DGKQ: variants seen among roughly 807,000 people sequenced by gnomAD.
The protein encoded by DGKQ is DAG kinase theta.
A neutral mutation model predicts 104.2 loss-of-function variants in DGKQ; 97 were observed. That is an observed-to-expected ratio of 0.93 (90% CI 0.79 to 1.10). DGKQ has a LOEUF of 1.10. Ranked by LOEUF, DGKQ falls within the 50% of genes least tolerant of loss-of-function variation. The pLI is 0.00. For missense variants in DGKQ, 1,465 were observed against 1,352.1 expected (o/e 1.08, Z -1.31); for synonymous variants, 736 against 595.2 (o/e 1.24, Z -3.44).
chr4:971,199 C>G lies in DGKQ; in HGVS notation c.272-127G>C, dbSNP rs1712905053. 1.5e-6 allele frequency: 1 copy of G among 663,298 alleles called. No individual in the cohort carries two copies. Among genetic ancestry groups the G allele is most frequent in the African/African-American group, 1.8e-5 (1 of 55,978 alleles). 41.1% of individuals were successfully genotyped at this position (663,298 alleles called of 1,614,324 possible). On this transcript the variant is annotated intron_variant, in intron 1 of 22. Transcript: ENST00000273814. The surrounding 1 kb of genome is among the most constrained non-coding windows in gnomAD (Gnocchi z 4.0). ...GCTGCACCAGGGGCCCTGTGGTCCT[C>G]GAGTTCCCCCACCACCCTGCCCACT...
At chr4:965,319 G>A (rs775893401) in intron 14 of DGKQ, 28 bp from the exon 15 acceptor site, 1 of 1,604,172 alleles carries the variant, frequency 6.2e-7, no homozygotes, top group African/African-American at 1.3e-5. Context: ...GACTCAGGGG[G>A]AGCCTGTCCC....
chr4:972,940 G>C (rs1471696672), intron 1 of DGKQ, among the ~76,000 whole-genome samples: 1 of 152,228 alleles, frequency 6.6e-6, no homozygotes, highest in Non-Finnish European at 1.5e-5. Context: ...CCCCAGCTGA[G>C]GTCCCGCTCG....
chr4:970,063 G>A (rs1456432023), intron 2 of DGKQ, among the ~76,000 whole-genome samples: 2 of 152,270 alleles, frequency 1.3e-5, no homozygotes, highest in Non-Finnish European at 2.9e-5. Context: ...CCAAGCCAGT[G>A]TGGAATCACC....
In DGKQ at chr4:960,420, G is replaced by A; in HGVS notation, c.*200C>T. 1.7e-6 allele frequency: 1 copy of A among 598,098 alleles called. No homozygotes were observed. Among genetic ancestry groups the A allele is most frequent in the South Asian group, 2.0e-5 (1 of 51,202 alleles). The allele number at this position is 598,098 out of a possible 1,614,324, so 37.0% of individuals were successfully genotyped here. A position where few individuals can be genotyped will look rare whatever the true frequency, so the allele number is the denominator to read the frequency against. ...GCACACCAGTCTCCAGTGGGATGAG[G>A]GCTGTGACACCAACATGTGTCACCA... is the stretch of plus-strand genomic sequence containing the variant. On this transcript the variant is annotated 3_prime_UTR_variant, in exon 23 of 23. Coordinates refer to ENST00000273814, the MANE Select transcript of DGKQ (RefSeq NM_001347.4).
rs759739318 is a variant in DGKQ, at chr4:963,000, G to A, written c.1887-80C>T. On this transcript the variant is annotated intron_variant, in intron 16 of 22. Transcript: ENST00000273814. Reference sequence around the variant, plus strand: ...CCCAGGCTGCCTCTTCCAAGTGCCCGTCCTGGCCGTGTGGAGGACTTCAAG... The same window carrying A: ...CCCAGGCTGCCTCTTCCAAGTGCCCATCCTGGCCGTGTGGAGGACTTCAAG... 261 of 1,525,616 alleles carry A rather than the reference G, an allele frequency of 1.7e-4. 1 individual carries two copies. The highest frequency in any genetic ancestry group is 1.9e-4 in the Non-Finnish European group (220 of 1,132,438). The allele number at this position is 1,525,616 out of a possible 1,614,324, so 94.5% of individuals were successfully genotyped here.
rs1287324970 is a variant in DGKQ at position 965,468 on chromosome 4, C to T, written c.1618+23G>A. 2.5e-6 allele frequency: 4 copies of T among 1,608,498 alleles called. No individual in the cohort carries two copies. The Admixed American group carries it at 6.7e-5, about 27-fold the overall frequency. The stretch of plus-strand genomic sequence containing the variant: ...AGGAACACCCCTGGGCCTCATGTGA[C>T]CACGTCCCTCAGGGCAGCTCACCTT... On this transcript the variant is annotated intron_variant, in intron 14 of 22. Coordinates refer to ENST00000273814, the MANE Select transcript of DGKQ (RefSeq NM_001347.4).
rs368550766 is a variant in DGKQ at position 965,250 on chromosome 4, G to T, written c.1660C>A (p.Arg554=). Residue 554 remains arginine (R), a synonymous_variant, in exon 15 of 23, where the codon CGG becomes AGG. Transcript: ENST00000273814. ...LDVACFAEAE[R]LYMLLKDMAV... is the part of the protein sequence containing the mutation. ...ATGTCCTTCAGCAGCATGTACAGCCGCTCGGCCTCCGCAAAGCAGGCAACG... is the reference window on the plus strand; with the variant it reads ...ATGTCCTTCAGCAGCATGTACAGCCTCTCGGCCTCCGCAAAGCAGGCAACG... 33 of 1,612,524 alleles carry T rather than the reference G, an allele frequency of 2.0e-5. No individual in the cohort carries two copies. The highest frequency in any genetic ancestry group is 2.7e-5 in the African/African-American group (2 of 74,900).
rs1202341216 is a variant in DGKQ, at chr4:968,853, C to T, written c.409G>A (p.Val137Ile). The change falls in exon 3 of 23, where the codon GTC (valine) becomes ATC (isoleucine). Residue 137 changes from valine to isoleucine, a missense_variant. Transcript: ENST00000273814. ...GGTGCCTCCAGGACCTTGCGGCAGA[C>T]AGCACAGAACTTGCGCTTGTGGAGC... ...RGLHKRKFCA[V>I]CRKVLEAPAL... The T allele has an allele frequency of 1.2e-6, 2 of 1,609,714 alleles. No homozygotes were observed. Among genetic ancestry groups the T allele is most frequent in the African/African-American group, 1.3e-5 (1 of 74,980 alleles).
Position 968,025 on chromosome 4 carries a change from C to G in DGKQ, c.666G>C (p.Ala222=). 1 of 1,423,574 alleles carries G rather than the reference C, an allele frequency of 7.0e-7. No homozygotes were observed. The highest frequency in any genetic ancestry group is 9.1e-7 in the Non-Finnish European group (1 of 1,097,348). The allele number at this position is 1,423,574 out of a possible 1,614,324, so 88.2% of individuals were successfully genotyped here. A position where few individuals can be genotyped will look rare whatever the true frequency, so the allele number is the denominator to read the frequency against. Residue 222 remains alanine, a splice_region_variant and synonymous_variant, in exon 6 of 23, where the codon GCG becomes GCC. Coordinates refer to ENST00000273814, the MANE Select transcript of DGKQ (RefSeq NM_001347.4). ...CCAGCGCCGCGGAGCAGAGGGAGTG[C>G]GCCTGGGGGGAGAAGGGCCTGAGCT... ...GVRCEWCGVQ[A]HSLCSAALAP...
At chr4:968,775 G>T in intron 3 of DGKQ, 36 bp downstream of exon 3, 1 of 1,572,824 alleles carries the variant, frequency 6.4e-7, no homozygotes, top group Non-Finnish European at 8.7e-7. Context: ...GCAGAGACCA[G>T]GACACTGGGT....
At chr4:969,544 G>A (rs1276412911) in intron 2 of DGKQ, among the ~76,000 whole-genome samples, 6 of 152,184 alleles carry the variant, frequency 3.9e-5, no homozygotes, top group East Asian at 3.9e-4. Flanking sequence ...CAGAAAGACC[G>A]TGTTCCAGAA....
Position 967,043 on chromosome 4 carries a change from GCCACGC to G in DGKQ, c.1226_1231del (p.Gly409_Val410del), listed in dbSNP as rs1367244588. 3.8e-6 allele frequency: 6 copies of G among 1,558,784 alleles called. No homozygotes were observed. Among genetic ancestry groups the G allele is most frequent in the African/African-American group, 2.7e-5 (2 of 73,458 alleles). On this transcript the variant is annotated inframe_deletion, in exon 10 of 23. Coordinates refer to ENST00000273814, the MANE Select transcript of DGKQ (RefSeq NM_001347.4). ...CGGGGTCACTCGCACGGACACGTAG[GCCACGC>G]CCACCCTGTGGGGACACAGTCTGAG...
At position 960,538 on chromosome 4, in the gene DGKQ, C is replaced by G. The variant is rs1036320127; in HGVS notation, c.*82G>C. 1 of 1,307,864 alleles carries G rather than the reference C, an allele frequency of 7.6e-7. No homozygotes were observed. The allele number at this position is 1,307,864 out of a possible 1,614,324, so 81.0% of individuals were successfully genotyped here. Reference sequence around the variant, plus strand: ...ACCACAGGGCCGGCCACTGTGTGGACGTGGAGCTGCCTCCAGACCACCTGA... The same window carrying G: ...ACCACAGGGCCGGCCACTGTGTGGAGGTGGAGCTGCCTCCAGACCACCTGA... On this transcript the variant is annotated 3_prime_UTR_variant, in exon 23 of 23. Coordinates refer to ENST00000273814, the MANE Select transcript of DGKQ (RefSeq NM_001347.4).
chr4:966,917 C>CCTGTGCCTGCT, intron 10 of DGKQ, 47 bp downstream of exon 10: 2 of 1,545,888 alleles, frequency 1.3e-6, no homozygotes, highest in Non-Finnish European at 1.8e-6. Context: ...GGACAGCGAC[C>CCTGTGCCTGCT]CCCCACCGAG....
At chr4:964,738 T>C (rs2153008885) in intron 15 of DGKQ, among the ~76,000 whole-genome samples, 1 of 152,298 alleles carries the variant, frequency 6.6e-6, no homozygotes, top group East Asian at 1.9e-4. Flanking sequence ...GCTGAGGCTG[T>C]ACCGGGAGGG....
intron 14 of DGKQ, 86 bp downstream of exon 14, chr4:965,405 G>A: frequency 1.9e-6 from 3 of 1,548,880 alleles, no homozygotes; most frequent in Non-Finnish European, 1.8e-6. Context: ...GGAAAGGTCA[G>A]GTGCTACGTG....
intron 15 of DGKQ, 64 bp from the exon 16 acceptor site, chr4:963,354 G>A (rs1712039714): frequency 1.4e-6 from 2 of 1,464,392 alleles, no homozygotes; most frequent in Non-Finnish European, 1.9e-6. Context: ...TGCTGGGGTT[G>A]CCAGGCAGTG....
chr4:960,665 A>G lies in DGKQ; in HGVS notation c.2784T>C (p.Asp928=). The stretch of plus-strand genomic sequence containing the variant: ...GGGCAGGCGCAGCATCCGCCCGGGC[A>G]TCCCTGGTGGTCCCGGCCCTCCTCG... The part of the protein sequence containing the change: ...QKPRRAGTTR[D]ARADAAPAPE... The change falls in exon 23 of 23, where the codon GAT becomes GAC. Residue 928 remains aspartate, a synonymous_variant. Transcript: ENST00000273814. The G allele has an allele frequency of 6.2e-7, 1 of 1,612,306 alleles. No homozygotes were observed.
chr4:968,973 T>C, intron 2 of DGKQ, 63 bp from the exon 3 acceptor site: 1 of 1,089,696 alleles, frequency 9.2e-7, no homozygotes, highest in Non-Finnish European at 1.3e-6. Flanking sequence ...CCACCCCTCC[T>C]CGCTCTTCAC....
Sources: allele counts gnomAD v4.1 joint callset (sites outside exome capture counted in the v4.1 genomes callset), GRCh38; gene constraint gnomAD v4.1.1; non-coding constraint Gnocchi (gnomAD v3.1); transcripts MANE v1.5; gene names NCBI Gene and HGNC (gene_info 2026-07-23, HGNC 2026-07-21).